Variants in PCSK6 observed in about 807,000 individuals in gnomAD.
The protein encoded by PCSK6 is paired basic amino acid cleaving enzyme 4.
PCSK6 carries 85 observed loss-of-function variants against 123.3 expected under a neutral mutation model. That is an observed-to-expected ratio of 0.69 (90% CI 0.58 to 0.83). The LOEUF (loss-of-function observed/expected upper bound fraction) is 0.83. Among genes scored for constraint, PCSK6 ranks in the 40% least tolerant of loss-of-function variants. The pLI, the probability that PCSK6 is intolerant of heterozygous loss-of-function variation, is 0.00. For missense variants in PCSK6, 1,191 were observed against 1,282.3 expected, an observed-to-expected ratio of 0.93 and a Z score of 1.09; for synonymous variants, 508 against 516.0, an observed-to-expected ratio of 0.98 and a Z score of 0.21.
At chr15:101,416,112 G>C (rs1313140753) in intron 6 of PCSK6, among the ~76,000 whole-genome samples, 2 of 152,228 alleles carry the variant, frequency 1.3e-5, no homozygotes, top group Non-Finnish European at 1.5e-5. Flanking sequence ...ATGTGGGAAA[G>C]TTTGGAACCT....
chr15:101,342,181 TCA>T, intron 13 of PCSK6, among the ~76,000 whole-genome samples: 1 of 126,212 alleles, frequency 7.9e-6, no homozygotes, highest in East Asian at 2.1e-4. Flanking sequence ...AAAAGTAATA[TCA>T]CTGTTTTAAG....
intron 1 of PCSK6, among the ~76,000 whole-genome samples, chr15:101,463,395 C>A (rs2057381942): frequency 6.6e-6 from 1 of 152,156 alleles, no homozygotes; most frequent in South Asian, 2.1e-4. Context: ...CATCAACATT[C>A]CCTCCCCTCT....
At chr15:101,392,173 G>A (rs2042251564) in intron 8 of PCSK6, among the ~76,000 whole-genome samples, 1 of 152,222 alleles carries the variant, frequency 6.6e-6, no homozygotes, top group Admixed American at 6.5e-5. Flanking sequence ...GACCCTAGCA[G>A]GTCCGTGCTC....
intron 6 of PCSK6, among the ~76,000 whole-genome samples, chr15:101,411,703 C>T (rs1440439069): frequency 1.3e-5 from 2 of 151,544 alleles, no homozygotes; most frequent in African/African-American, 4.8e-5. Flanking sequence ...AGCAAGGAAC[C>T]GTGGTACCAC....
intron 12 of PCSK6, among the ~76,000 whole-genome samples, chr15:101,369,132 G>A (rs542412006): frequency 7.2e-5 from 11 of 152,146 alleles, no homozygotes; most frequent in Non-Finnish European, 1.5e-4. Flanking sequence ...TGCCGGGCCC[G>A]CCACCTGCTG....
intron 15 of PCSK6, among the ~76,000 whole-genome samples, chr15:101,329,498 C>T (rs1490295539): frequency 6.6e-6 from 1 of 152,246 alleles, no homozygotes; most frequent in East Asian, 1.9e-4. Flanking sequence ...TCCTTCCTGA[C>T]TGCTGTGCCC....
At chr15:101,449,276 G>A (rs2056971942) in intron 1 of PCSK6, among the ~76,000 whole-genome samples, 1 of 152,032 alleles carries the variant, frequency 6.6e-6, no homozygotes, top group Non-Finnish European at 1.5e-5. Context: ...ATACCATATT[G>A]TTTAAGGAAA....
chr15:101,355,233 C>T (rs2041004542), intron 13 of PCSK6, among the ~76,000 whole-genome samples: 1 of 152,220 alleles, frequency 6.6e-6, no homozygotes, highest in African/African-American at 2.4e-5. Context: ...AAAGTGCCAT[C>T]AATTGTCTCA....
At chr15:101,446,171 C>G (rs756979471) in intron 1 of PCSK6, among the ~76,000 whole-genome samples, 33 of 152,278 alleles carry the variant, frequency 2.2e-4, no homozygotes, top group Non-Finnish European at 4.1e-4. Flanking sequence ...GGGAGGGACG[C>G]TCCCACTGCA....
At chr15:101,392,015 C>CT (rs1308575669) in intron 8 of PCSK6, among the ~76,000 whole-genome samples, 2 of 152,232 alleles carry the variant, frequency 1.3e-5, no homozygotes, top group Non-Finnish European at 2.9e-5. Flanking sequence ...GCAAATAAAG[C>CT]TGCAAGTCCT....
chr15:101,425,154 C>G (rs1021598425), intron 6 of PCSK6, among the ~76,000 whole-genome samples: 1 of 152,172 alleles, frequency 6.6e-6, no homozygotes, highest in African/African-American at 2.4e-5. Flanking sequence ...ACAATTACGT[C>G]TGCGGCGTGG....
chr15:101,331,407 A>T (rs1038600790), intron 15 of PCSK6, among the ~76,000 whole-genome samples: 1 of 152,062 alleles, frequency 6.6e-6, no homozygotes, highest in Non-Finnish European at 1.5e-5. Flanking sequence ...TGCTCCTTGA[A>T]CCCAACCTTC....
chr15:101,313,398 A>G lies in PCSK6; in HGVS notation c.2677T>C (p.Leu893=), dbSNP rs772853309. The part of the protein sequence containing the change: ...EGFYPEEMPG[L]PHKVCRRCDE... ...TACCTTCGACACACTTTGTGGGGCA[A>G]GCCCGGCATCTCTTCTGGGTAGAAG... is the stretch of plus-strand genomic sequence containing the variant. The change falls in exon 20 of 22, where the codon TTG becomes CTG. Residue 893 remains leucine, a synonymous_variant. Transcript: ENST00000611716. 6.2e-7 allele frequency: 1 copy of G among 1,612,806 alleles called. No homozygotes were observed. The highest frequency in any genetic ancestry group is 8.5e-7 in the Non-Finnish European group (1 of 1,179,868).
intron 12 of PCSK6, among the ~76,000 whole-genome samples, chr15:101,368,932 C>T (rs1475459641): frequency 5.3e-5 from 8 of 152,186 alleles, no homozygotes; most frequent in African/African-American, 1.7e-4. Context: ...GCAGCTCGTC[C>T]GCTGACACCG....
rs184819191 is a variant in PCSK6 at position 101,458,667 on chromosome 15, C to A, written c.298-15007G>T. ...GGTCCCAAAGGCTCCACATACCCAGCAGATTGGCTCCTCGCTCCTTCCGAA... is the reference window on the plus strand; with the variant it reads ...GGTCCCAAAGGCTCCACATACCCAGAAGATTGGCTCCTCGCTCCTTCCGAA... On this transcript the variant is annotated intron_variant, in intron 1 of 21. Coordinates refer to ENST00000611716, the MANE Select transcript of PCSK6 (RefSeq NM_002570.5). Among the ~76,000 whole-genome samples the A allele has an allele frequency of 6.1e-4, 93 of 152,336 alleles. 2 individuals carry two copies. Among genetic ancestry groups the A allele is most frequent in the African/African-American group, 2.1e-3 (86 of 41,580 alleles).
intron 1 of PCSK6, among the ~76,000 whole-genome samples, chr15:101,481,987 T>TGCGCGTTCACGCAC: frequency 6.6e-6 from 1 of 152,276 alleles, no homozygotes; most frequent in South Asian, 2.1e-4. Flanking sequence ...TTTGAGTCTG[T>TGCGCGTTCACGCAC]GCGCGTTCAC....
Position 101,370,335 on chromosome 15 carries a change from C to G in PCSK6, c.1721G>C (p.Arg574Thr). The G allele has an allele frequency of 6.5e-7, 1 of 1,535,124 alleles. No homozygotes were observed. Among genetic ancestry groups the G allele is most frequent in the Non-Finnish European group, 8.8e-7 (1 of 1,138,052 alleles). ...CATCCCCACGCCTGCCTCGCCTTAC[C>G]TCTTTGCCAGAAGTTGAGACTTGGT... ...SGTKSQLLAK[R>T]LLDLSNEGFT... The change falls in exon 12 of 22, where the codon AGG becomes ACG. Residue 574 changes from arginine (R) to threonine (T), a missense_variant and splice_region_variant. Arg to Thr is a moderately conservative substitution (Grantham distance 71). Transcript: ENST00000611716.
chr15:101,343,923 A>C (rs2040674402), intron 13 of PCSK6, among the ~76,000 whole-genome samples: 2 of 152,254 alleles, frequency 1.3e-5, no homozygotes, highest in African/African-American at 2.4e-5. Flanking sequence ...CCCTGTCTCT[A>C]CTAAAAATAC....
intron 1 of PCSK6, among the ~76,000 whole-genome samples, chr15:101,466,432 C>G (rs1200766952): frequency 6.6e-6 from 1 of 152,174 alleles, no homozygotes; most frequent in Non-Finnish European, 1.5e-5. Flanking sequence ...GGGTCCACAG[C>G]CTGGCAGTTT....
Sources: gnomAD v4.1 joint callset for allele counts (sites outside exome capture counted in the v4.1 genomes callset) on GRCh38, gnomAD v4.1.1 for gene constraint, MANE v1.5 for transcripts, NCBI Gene and HGNC (gene_info 2026-07-23, HGNC 2026-07-21) for gene names.